Variants in LAMB3 observed in about 807,000 individuals in gnomAD.
LAMB3 encodes the protein laminin subunit beta-3.
A neutral mutation model predicts 140.3 loss-of-function variants in LAMB3; 104 were observed. The observed-to-expected ratio is 0.74, with a 90% confidence interval of 0.63 to 0.87. The LOEUF (loss-of-function observed/expected upper bound fraction) is 0.87, where lower values mean the gene tolerates loss of function less well. Ranked by LOEUF, LAMB3 falls within the 40% of genes least tolerant of loss-of-function variation. LAMB3 has a pLI of 0.00. For missense variants in LAMB3, 1,531 were observed against 1,575.2 expected (o/e 0.97, Z 0.47); for synonymous variants, 592 against 602.9 (o/e 0.98, Z 0.26).
chr1:209,616,948 C>G (rs1312059478), intron 21 of LAMB3, among the ~76,000 whole-genome samples: 1 of 152,208 alleles, frequency 6.6e-6, no homozygotes, highest in East Asian at 1.9e-4. Flanking sequence ...ATTGAAAGTG[C>G]CAATGTTCCT....
At chr1:209,630,476 G>A (rs1366911771) in intron 9 of LAMB3, 139 bp downstream of exon 9, 7 of 994,100 alleles carry the variant, frequency 7.0e-6, no homozygotes, top group Non-Finnish European at 1.1e-5. Flanking sequence ...AGGAGAGCTT[G>A]AATTGTAATG....
In LAMB3 at chr1:209,629,939, G is replaced by A; in HGVS notation, c.944-14C>T. The A allele has an allele frequency of 6.2e-7, 1 of 1,612,886 alleles. No individual in the cohort carries two copies. The highest frequency in any genetic ancestry group is 8.5e-7 in the Non-Finnish European group (1 of 1,179,260). On this transcript the variant is annotated splice_polypyrimidine_tract_variant and intron_variant, in intron 9 of 22. Coordinates refer to ENST00000356082, the MANE Select transcript of LAMB3 (RefSeq NM_000228.3). ...TGCAGTCGCACCCTGGAAAAAGAGA[G>A]TCCCAGGGCTGACATCTGACCCACA...
At chr1:209,622,387 G>A (rs763211403) in intron 18 of LAMB3, 149 bp downstream of exon 18, 9 of 919,042 alleles carry the variant, frequency 9.8e-6, no homozygotes, top group South Asian at 5.4e-5. Flanking sequence ...AGAACGAGAA[G>A]GTCATGGCCA....
In LAMB3 at chr1:209,617,468, G is replaced by A. The variant is rs2102404871; in HGVS notation, c.3170C>T (p.Ala1057Val). 1.2e-6 allele frequency: 2 copies of A among 1,613,612 alleles called. No individual in the cohort carries two copies. The highest frequency in any genetic ancestry group is 4.5e-5 in the East Asian group (2 of 44,882). The change falls in exon 21 of 23, where the codon GCA becomes GTA. Residue 1057 changes from alanine to valine, a missense_variant. Ala to Val is a moderately conservative substitution (Grantham distance 64). Transcript: ENST00000356082. ...RHQARQQGAEAVQAQQLAEGA... is the reference protein window; with the variant it reads ...RHQARQQGAEVVQAQQLAEGA... The stretch of plus-strand genomic sequence containing the variant: ...TTCCGCAAGCTGCTGGGCCTGGACT[G>A]CCTCTGCCCCCTGCTGCCGGGCTTG...
rs1476909565 is a variant in LAMB3, at chr1:209,622,707, G to A, written c.2557-27C>T. ...TGTTGACATACACTCTAGGTCAGAA[G>A]GGGTAAGGCCCCAAGGGAACCTCTC... On this transcript the variant is annotated intron_variant, in intron 17 of 22. Transcript: ENST00000356082. 3.1e-6 allele frequency: 5 copies of A among 1,613,886 alleles called. No individual in the cohort carries two copies. The South Asian group carries it at 4.4e-5, about 14-fold the overall frequency.
chr1:209,635,203 C>T (rs1039847895), intron 5 of LAMB3, among the ~76,000 whole-genome samples: 4 of 152,144 alleles, frequency 2.6e-5, no homozygotes, highest in African/African-American at 9.7e-5. Context: ...ATGCTGACAG[C>T]TCCCAGCTTG....
In LAMB3 at chr1:209,622,484, G is replaced by A. The variant is rs116558839; in HGVS notation, c.2701+52C>T. ...GCTGATGCACTGAACATGGGAATGC[G>A]GGACAGGCAGGACTGGAACAGCAGC... On this transcript the variant is annotated intron_variant, in intron 18 of 22. Transcript: ENST00000356082. 830 of 1,607,234 alleles carry A rather than the reference G, an allele frequency of 5.2e-4. 6 individuals are homozygous for A. The African/African-American group carries it at 9.7e-3, about 19-fold the overall frequency.
Position 209,623,460 on chromosome 1 carries a change from C to G in LAMB3, c.2358+45G>C. On this transcript the variant is annotated intron_variant, in intron 16 of 22. Transcript: ENST00000356082. This position sits in a 1 kb window ranked among gnomAD's most constrained non-coding sequence, Gnocchi z 4.2. ...GTGGCAGCAGTTGGTGTGTGACAAG[C>G]TGGGGTGTGGGCTCCAGGAAGTGGG... 1.3e-6 allele frequency: 2 copies of G among 1,571,362 alleles called. No individual in the cohort carries two copies. The highest frequency in any genetic ancestry group is 8.8e-7 in the Non-Finnish European group (1 of 1,140,974).
In LAMB3 at chr1:209,623,574, GC is replaced by G. The variant is rs886041893; in HGVS notation, c.2288del (p.Gly763AlafsTer8). 1.2e-6 allele frequency: 2 copies of G among 1,614,218 alleles called. No individual in the cohort carries two copies. Among genetic ancestry groups the G allele is most frequent in the Non-Finnish European group, 1.7e-6 (2 of 1,180,034 alleles). On this transcript the variant is annotated frameshift_variant, in exon 16 of 23. Transcript: ENST00000356082. LOFTEE classifies it high-confidence loss of function. The surrounding 1 kb of genome is among the most constrained non-coding windows in gnomAD (Gnocchi z 4.2). ...VRQAGGGGGT[G>X]SPKLVALRLE... The stretch of plus-strand genomic sequence containing the variant: ...GCCTCAGGGCCACAAGCTTGGGGCT[GC>G]CGGTGCCTCCTCCTCCTCCCGCCTG...
chr1:209,615,925 T>C (rs1198530367), intron 22 of LAMB3, among the ~76,000 whole-genome samples: 1 of 152,186 alleles, frequency 6.6e-6, no homozygotes, highest in African/African-American at 2.4e-5. Context: ...ACTTCTTTCC[T>C]ACCAGCTCCT....
At chr1:209,636,630 T>C (rs2102442760) in intron 5 of LAMB3, among the ~76,000 whole-genome samples, 1 of 152,340 alleles carries the variant, frequency 6.6e-6, no homozygotes, top group Admixed American at 6.5e-5. Context: ...CTCCAGGCCC[T>C]GTGTGCATTC....
chr1:209,622,910 T>G lies in LAMB3; in HGVS notation c.2556+72A>C. The G allele has an allele frequency of 2.6e-6, 4 of 1,558,394 alleles. No individual in the cohort carries two copies. The South Asian group carries it at 4.5e-5, about 17-fold the overall frequency. ...CTGGACTTTAGTGTAAAATGGGAAC[T>G]CTGACTTGCCCGGGGGATCTATCCT... On this transcript the variant is annotated intron_variant, in intron 17 of 22. Transcript: ENST00000356082.
intron 19 of LAMB3, 43 bp from the exon 20 acceptor site, chr1:209,618,091 G>A (rs375852387): frequency 6.2e-7 from 1 of 1,612,192 alleles, no homozygotes; most frequent in African/African-American, 1.3e-5. Context: ...GAGAATGAGT[G>A]AACAGTGAAT....
At chr1:209,620,646 G>A (rs1666155474) in intron 18 of LAMB3, among the ~76,000 whole-genome samples, 1 of 152,216 alleles carries the variant, frequency 6.6e-6, no homozygotes, top group Admixed American at 6.5e-5. Context: ...ATGCCTTTAG[G>A]CAAGTTGCTT....
At chr1:209,630,032 C>T (rs1002577328) in intron 9 of LAMB3, 107 bp from the exon 10 acceptor site, 2 of 1,106,960 alleles carry the variant, frequency 1.8e-6, no homozygotes, top group African/African-American at 3.1e-5. Flanking sequence ...GCAAGATGAT[C>T]AAGGCAGGGA....
chr1:209,615,839 G>A (rs76477123), intron 22 of LAMB3, among the ~76,000 whole-genome samples: 2,586 of 152,148 alleles, frequency 0.017, 65 homozygotes, highest in African/African-American at 0.059. Context: ...GTGCCCTACC[G>A]CCTCCTGAGC....
At chr1:209,649,896 G>C (rs1234155576) in intron 3 of LAMB3, 68 bp downstream of exon 3, 1 of 1,556,358 alleles carries the variant, frequency 6.4e-7, no homozygotes, top group Non-Finnish European at 8.9e-7. Flanking sequence ...TAAGTATTCA[G>C]TGGACAAATG....
intron 10 of LAMB3, among the ~76,000 whole-genome samples, chr1:209,629,130 G>C (rs1036663352): frequency 2.6e-5 from 4 of 152,116 alleles, no homozygotes. Flanking sequence ...AAACCTGCCC[G>C]AATCTGATTG....
At chr1:209,649,635 G>A (rs2076547381) in intron 3 of LAMB3, among the ~76,000 whole-genome samples, 1 of 152,134 alleles carries the variant, frequency 6.6e-6, no homozygotes, top group Non-Finnish European at 1.5e-5. Flanking sequence ...ACACATAAAC[G>A]GCCAGTGTTT....
Sources: gnomAD v4.1 joint callset for allele counts (sites outside exome capture counted in the v4.1 genomes callset) on GRCh38, gnomAD v4.1.1 for gene constraint, Gnocchi (gnomAD v3.1) non-coding constraint, MANE v1.5 for transcripts, NCBI Gene and HGNC (gene_info 2026-07-23, HGNC 2026-07-21) for gene names.